Variants in CCNH observed in about 807,000 individuals in gnomAD.
CCNH encodes the protein cyclin H.
In CCNH, 31 loss-of-function variants were observed where a neutral mutation model predicts 41.9. The observed-to-expected ratio is 0.74, with a 90% CI of 0.56 to 1.00. The LOEUF (loss-of-function observed/expected upper bound fraction) is 1.00. Among genes scored for constraint, CCNH ranks in the 50% least tolerant of loss-of-function variants. The pLI is 0.00. For missense variants in CCNH, 362 were observed against 388.4 expected (o/e 0.93, Z 0.57); for synonymous variants, 138 against 136.1 (o/e 1.01, Z -0.10).
chr5:87,399,234 T>C (rs900141099), intron 7 of CCNH, among the ~76,000 whole-genome samples, 160 bp downstream of exon 7: 4 of 152,198 alleles, frequency 2.6e-5, no homozygotes, highest in African/African-American at 9.7e-5. Flanking sequence ...TGCCGAACTA[T>C]TACCTTAATC....
chr5:87,379,990 A>G (rs1761597005), upstream of CCNH: 2 of 918,888 alleles, frequency 2.2e-6, no homozygotes, highest in South Asian at 3.3e-5. Context: ...TATGAGATGA[A>G]TTGTATTTAA....
chr5:87,379,316 G>A (rs942913726), upstream of CCNH, among the ~76,000 whole-genome samples: 9 of 152,230 alleles, frequency 5.9e-5, no homozygotes, highest in South Asian at 2.1e-4. Flanking sequence ...GATAGGCTAC[G>A]GAATTCCGAC....
At chr5:87,365,432 T>TTC (rs936209953) in intron 9 of CCNH, among the ~76,000 whole-genome samples, 2 of 152,136 alleles carry the variant, frequency 1.3e-5, no homozygotes, top group Admixed American at 1.3e-4. Flanking sequence ...GAATATTACT[T>TTC]TATTCACAGC....
intron 9 of CCNH, among the ~76,000 whole-genome samples, chr5:87,350,991 C>T (rs1490502266): frequency 4.0e-5 from 6 of 151,356 alleles, no homozygotes; most frequent in Non-Finnish European, 7.4e-5. Context: ...AATCTTTGTG[C>T]TTATTGTTTA....
chr5:87,395,456 A>G (rs567520046), intron 7 of CCNH, among the ~76,000 whole-genome samples: 2 of 152,322 alleles, frequency 1.3e-5, no homozygotes, highest in South Asian at 2.1e-4. Context: ...ACGGTAATTA[A>G]AAGTGAGATA....
chr5:87,409,531 C>A (rs1764063209), intron 2 of CCNH, among the ~76,000 whole-genome samples, 168 bp from the exon 3 acceptor site: 1 of 152,000 alleles, frequency 6.6e-6, no homozygotes, highest in Admixed American at 6.5e-5. Flanking sequence ...TGAATTACTA[C>A]AGAAATGCCA....
intron 9 of CCNH, among the ~76,000 whole-genome samples, chr5:87,352,180 T>TTA (rs1273011248): frequency 3.3e-5 from 5 of 151,768 alleles, no homozygotes; most frequent in Non-Finnish European, 7.4e-5. Context: ...ATGCTGCTTC[T>TTA]GGTATTAAGT....
chr5:87,350,340 A>AG (rs1759170886), intron 9 of CCNH, among the ~76,000 whole-genome samples: 1 of 151,804 alleles, frequency 6.6e-6, no homozygotes, highest in Non-Finnish European at 1.5e-5. Context: ...CACTGAAAAT[A>AG]CAGCTAGCTG....
downstream of CCNH, chr5:87,390,860 A>G: frequency 6.2e-7 from 1 of 1,613,150 alleles, no homozygotes; most frequent in Non-Finnish European, 8.5e-7. Context: ...AAACCAGTAT[A>G]CAAAAACCAA....
chr5:87,334,933 G>T (rs1757856604), intron 9 of CCNH, among the ~76,000 whole-genome samples: 2 of 152,002 alleles, frequency 1.3e-5, no homozygotes. Flanking sequence ...ACCCAGGCTG[G>T]AGTGCAGTGG....
intron 7 of CCNH, among the ~76,000 whole-genome samples, chr5:87,397,587 A>G (rs1763068318): frequency 6.6e-6 from 1 of 152,204 alleles, no homozygotes; most frequent in Non-Finnish European, 1.5e-5. Flanking sequence ...AAAAGTATAC[A>G]TCTAGTGATT....
chr5:87,401,533 T>TCTATTTGTTCTAGAC (rs1368664132), intron 6 of CCNH, among the ~76,000 whole-genome samples, 169 bp downstream of exon 6: 1 of 152,192 alleles, frequency 6.6e-6, no homozygotes, highest in African/African-American at 2.4e-5. Flanking sequence ...CTATATACCT[T>TCTATTTGTTCTAGAC]CTATTTGTTC....
chr5:87,390,910 G>A, downstream of CCNH: 1 of 1,566,366 alleles, frequency 6.4e-7, no homozygotes, highest in South Asian at 1.1e-5. Flanking sequence ...GTTCTGCATG[G>A]ATTCAGCATG....
In CCNH at chr5:87,412,891, C is replaced by A. The variant is rs942025308; in HGVS notation, c.-97G>T. On this transcript the variant is annotated 5_prime_UTR_variant, in exon 1 of 9. Coordinates refer to ENST00000256897, the MANE Select transcript of CCNH (RefSeq NM_001239.4). ...ACCCGTACCCCCACCGAAGATCTCG[C>A]GGAAGCCTAGGGCGTCCGGCTAGCC... The A allele has an allele frequency of 6.5e-7, 1 of 1,540,244 alleles. No homozygotes were observed. Among genetic ancestry groups the A allele is most frequent in the Non-Finnish European group, 8.8e-7 (1 of 1,140,572 alleles).
chr5:87,397,699 A>G (rs952118568), intron 7 of CCNH, among the ~76,000 whole-genome samples: 1 of 152,210 alleles, frequency 6.6e-6, no homozygotes, highest in African/African-American at 2.4e-5. Context: ...CTGGAATACA[A>G]TGTAAGCTAT....
At chr5:87,388,072 A>G (rs116642099), downstream of CCNH, among the ~76,000 whole-genome samples, 722 of 152,280 alleles carry the variant, frequency 4.7e-3, 2 homozygotes, top group Non-Finnish European at 6.9e-3. Context: ...AAACATGAAT[A>G]AAATAACTTT....
At chr5:87,343,295 A>G (rs1010828829) in intron 9 of CCNH, among the ~76,000 whole-genome samples, 1 of 152,118 alleles carries the variant, frequency 6.6e-6, no homozygotes, top group Non-Finnish European at 1.5e-5. Flanking sequence ...AAATAACTAC[A>G]TTCTAGTTCA....
intron 9 of CCNH, chr5:87,341,339 A>G: frequency 7.8e-7 from 1 of 1,285,278 alleles, no homozygotes; most frequent in Non-Finnish European, 9.8e-7. Context: ...TGTGTTAATT[A>G]TTAAAATGAA....
chr5:87,359,381 C>T (rs950813448), intron 9 of CCNH, among the ~76,000 whole-genome samples: 3 of 152,184 alleles, frequency 2.0e-5, no homozygotes, highest in Non-Finnish European at 4.4e-5. Context: ...AGAAGCCTTT[C>T]TCCTCTCATT....
Sources: gnomAD v4.1 joint callset for allele counts (sites outside exome capture counted in the v4.1 genomes callset) on GRCh38, gnomAD v4.1.1 for gene constraint, MANE v1.5 for transcripts, NCBI Gene and HGNC (gene_info 2026-07-23, HGNC 2026-07-21) for gene names.